ADK: variants seen among roughly 807,000 people sequenced by gnomAD.
ADK encodes the protein adenosine kinase.
ADK carries 24 observed loss-of-function variants against 44.7 expected under a neutral mutation model. The ratio of observed to expected loss-of-function variants is 0.54; its 90% CI spans 0.39 to 0.76. The LOEUF (loss-of-function observed/expected upper bound fraction) is 0.76, where lower values mean the gene tolerates loss of function less well. ADK is among the 30% of genes least tolerant of loss of function. ADK has a pLI of 0.00. For synonymous variants in ADK, 128 were observed against 142.6 expected (o/e 0.90, Z 0.73); for missense variants, 321 against 425.1 (o/e 0.76, Z 2.15).
At chr10:74,306,944 G>A (rs1359553430) in intron 3 of ADK, among the ~76,000 whole-genome samples, 1 of 152,124 alleles carries the variant, frequency 6.6e-6, no homozygotes, top group Admixed American at 6.6e-5. Flanking sequence ...TTTGTTTTAG[G>A]TTTTCAGTTT....
chr10:74,652,936 G>A (rs1854325939), intron 9 of ADK, among the ~76,000 whole-genome samples: 2 of 152,198 alleles, frequency 1.3e-5, no homozygotes, highest in African/African-American at 4.8e-5. Context: ...TGAATGGTGA[G>A]TTGGAAAGAG....
intron 10 of ADK, among the ~76,000 whole-genome samples, chr10:74,683,474 CA>C (rs1201064403): frequency 6.6e-6 from 1 of 152,070 alleles, no homozygotes; most frequent in Non-Finnish European, 1.5e-5. Flanking sequence ...ATGTAGATGA[CA>C]AAAATTTTGT....
chr10:74,200,023 C>T (rs991710426), intron 1 of ADK, among the ~76,000 whole-genome samples: 1 of 151,968 alleles, frequency 6.6e-6, no homozygotes, highest in Non-Finnish European at 1.5e-5. Flanking sequence ...AATGAGATTG[C>T]TGGGTCGGAT....
At chr10:74,529,253 T>C (rs1475242011) in intron 7 of ADK, 2 of 152,092 alleles carry the variant, frequency 1.3e-5, no homozygotes, top group Non-Finnish European at 2.9e-5. Flanking sequence ...GCCAGACACA[T>C]CAGACAATTA....
chr10:74,707,725 T>C (rs1856654914), intron 10 of ADK, among the ~76,000 whole-genome samples: 3 of 140,688 alleles, frequency 2.1e-5, no homozygotes, highest in Non-Finnish European at 4.5e-5. Flanking sequence ...ATCATGCCAT[T>C]GCACTCCAGC....
intron 4 of ADK, among the ~76,000 whole-genome samples, chr10:74,337,515 C>T (rs924427520): frequency 2.0e-5 from 3 of 152,212 alleles, no homozygotes; most frequent in Non-Finnish European, 4.4e-5. Flanking sequence ...CAGACACTGA[C>T]ATTATCTGAC....
At chr10:74,445,248 C>T (rs1185964405) in intron 6 of ADK, among the ~76,000 whole-genome samples, 1 of 152,018 alleles carries the variant, frequency 6.6e-6, no homozygotes, top group East Asian at 1.9e-4. Context: ...CTTGACATAT[C>T]TTGAGTTCTT....
chr10:74,303,588 G>GTTGTTTTTTTTTTTT lies in ADK; in HGVS notation c.195-11077_195-11076insGTTTTTTTTTTTTTT, dbSNP rs1840139803. 9.8e-4 allele frequency among the ~76,000 whole-genome samples: 67 copies of GTTGTTTTTTTTTTTT among 68,576 alleles called. 3 individuals are homozygous for GTTGTTTTTTTTTTTT. Among genetic ancestry groups the GTTGTTTTTTTTTTTT allele is most frequent in the African/African-American group, 5.1e-3 (65 of 12,698 alleles). The allele number at this position is 68,576 out of a possible 152,430, so 45.0% of individuals were successfully genotyped here. A position where few individuals can be genotyped will look rare whatever the true frequency, so the allele number is the denominator to read the frequency against. On this transcript the variant is annotated intron_variant, in intron 3 of 10. Coordinates refer to ENST00000539909, the MANE Select transcript of ADK (RefSeq NM_006721.4). ...CACTTTTCATATTGGTTTTAATGTTGTTTTTTTTTTTTTTTTTTTTTTTTT... is the reference window on the plus strand; with the variant it reads ...CACTTTTCATATTGGTTTTAATGTTGTTGTTTTTTTTTTTTTTTTTTTTTTTTTTTTTTTTTTTTT...
At chr10:74,311,632 G>GA (rs1046271430) in intron 3 of ADK, among the ~76,000 whole-genome samples, 2 of 151,966 alleles carry the variant, frequency 1.3e-5, no homozygotes, top group African/African-American at 2.4e-5. Context: ...AACTTGGCTG[G>GA]AAAAAATTGA....
intron 1 of ADK, among the ~76,000 whole-genome samples, chr10:74,155,211 T>C (rs766059640): frequency 1.3e-5 from 2 of 152,138 alleles, no homozygotes; most frequent in African/African-American, 2.4e-5. Flanking sequence ...GAGCTGGGCA[T>C]GGTGGCTCAC....
At chr10:74,369,968 G>T (rs145767536) in intron 4 of ADK, among the ~76,000 whole-genome samples, 4 of 152,254 alleles carry the variant, frequency 2.6e-5, no homozygotes, top group African/African-American at 9.6e-5. Context: ...TAAAACTCAT[G>T]TAGTTTTCTG....
chr10:74,405,366 C>CTT (rs752124653), intron 6 of ADK, among the ~76,000 whole-genome samples: 3 of 126,290 alleles, frequency 2.4e-5, no homozygotes, highest in African/African-American at 5.8e-5. Flanking sequence ...GCGGAGGATT[C>CTT]TTTTTTTTTT....
chr10:74,424,259 C>T (rs1337591042), intron 6 of ADK, among the ~76,000 whole-genome samples: 2 of 152,076 alleles, frequency 1.3e-5, no homozygotes, highest in African/African-American at 4.8e-5. Context: ...TAAAATATGG[C>T]CGGGCATGGT....
chr10:74,302,088 CTGTTTTTTTTT>C (rs1840055127), intron 3 of ADK, among the ~76,000 whole-genome samples: 4 of 21,884 alleles, frequency 1.8e-4, no homozygotes, highest in African/African-American at 3.5e-4. Flanking sequence ...CTTTTCTTTT[CTGTTTTTTTTT>C]TGTTTGTTTG....
intron 4 of ADK, among the ~76,000 whole-genome samples, chr10:74,352,062 A>G (rs1415718099): frequency 6.6e-6 from 1 of 152,054 alleles, no homozygotes; most frequent in Admixed American, 6.6e-5. Flanking sequence ...GTTAAAAAAA[A>G]AAAAGAAACA....
intron 2 of ADK, among the ~76,000 whole-genome samples, chr10:74,211,477 A>C (rs1306892397): frequency 1.3e-5 from 2 of 152,218 alleles, no homozygotes; most frequent in African/African-American, 4.8e-5. Flanking sequence ...AAACGTATAC[A>C]TCTTATGGTA....
intron 10 of ADK, among the ~76,000 whole-genome samples, chr10:74,687,640 C>T (rs1855840874): frequency 2.0e-5 from 3 of 152,218 alleles, no homozygotes; most frequent in Admixed American, 6.5e-5. Context: ...TTCCCTACAA[C>T]GTGATCCATC....
chr10:74,422,356 A>G (rs559852094), intron 6 of ADK, among the ~76,000 whole-genome samples: 10 of 152,374 alleles, frequency 6.6e-5, no homozygotes, highest in South Asian at 2.1e-4. Context: ...CTCACTGACA[A>G]GAAGAGACTA....
intron 1 of ADK, among the ~76,000 whole-genome samples, chr10:74,162,521 TTGTGTGTGTGTGTGTG>T (rs10550667): frequency 1.4e-4 from 20 of 141,982 alleles, no homozygotes; most frequent in South Asian, 9.4e-4. Context: ...TGCATTTCTT[TTGTGTGTGTGTGTGTG>T]TGTGTGTGTG....
Sources: gnomAD v4.1 joint callset for allele counts (sites outside exome capture counted in the v4.1 genomes callset) on GRCh38, gnomAD v4.1.1 for gene constraint, MANE v1.5 for transcripts, NCBI Gene and HGNC (gene_info 2026-07-23, HGNC 2026-07-21) for gene names.